Variants in SERGEF observed in about 807,000 individuals in gnomAD.
The protein encoded by SERGEF is secretion-regulating guanine nucleotide exchange factor.
Under a neutral mutation model 50.0 loss-of-function variants are expected in SERGEF, and 51 were observed. The observed-to-expected ratio is 1.02, with a 90% CI of 0.81 to 1.29. The LOEUF is 1.29. Among genes scored for constraint, SERGEF ranks in the 50% most tolerant of loss-of-function variants. The pLI is 0.00. For synonymous variants in SERGEF, 205 were observed against 212.4 expected (o/e 0.97, Z 0.30); for missense variants, 521 against 557.0 (o/e 0.94, Z 0.65).
intron 10 of SERGEF, among the ~76,000 whole-genome samples, chr11:17,868,796 C>G (rs1362209609): frequency 2.0e-5 from 3 of 152,104 alleles, no homozygotes; most frequent in African/African-American, 4.8e-5. Flanking sequence ...TGGTGGCAGG[C>G]AAAGAGAGAG....
intron 5 of SERGEF, 84 bp downstream of exon 5, chr11:18,000,413 C>G: frequency 1.1e-6 from 1 of 900,452 alleles, no homozygotes; most frequent in Non-Finnish European, 1.7e-6. Context: ...CGAGCCACTG[C>G]ACTCCAGCCT....
At chr11:17,995,973 T>C in intron 5 of SERGEF, 64 bp from the exon 6 acceptor site, 1 of 1,096,762 alleles carries the variant, frequency 9.1e-7, no homozygotes, top group East Asian at 2.5e-5. Context: ...AGATTGCTCT[T>C]TGAACCTCAC....
rs1851394311 is a variant in SERGEF at position 17,884,502 on chromosome 11, T to G, written c.1012-6258A>C. On this transcript the variant is annotated intron_variant, in intron 9 of 10. Coordinates refer to ENST00000265965, the MANE Select transcript of SERGEF (RefSeq NM_012139.4). The surrounding 1 kb of genome is among the most constrained non-coding windows in gnomAD (Gnocchi z 4.6). ...GTGACAACCAGAATTTCCAAACTAT[T>G]AGAAACGCAGTGCTTGGAAGCTGGG... Among the ~76,000 whole-genome samples, 1 of 151,858 alleles carries G rather than the reference T, an allele frequency of 6.6e-6. No individual in the cohort carries two copies. The highest frequency in any genetic ancestry group is 2.4e-5 in the African/African-American group (1 of 41,336).
At chr11:17,850,168 A>AT (rs1449759699) in intron 10 of SERGEF, among the ~76,000 whole-genome samples, 1 of 152,180 alleles carries the variant, frequency 6.6e-6, no homozygotes, top group Non-Finnish European at 1.5e-5. Flanking sequence ...TCCCACAATA[A>AT]TGACATAAAT....
intron 9 of SERGEF, among the ~76,000 whole-genome samples, chr11:17,958,251 A>C (rs1020505056): frequency 6.6e-6 from 1 of 152,184 alleles, no homozygotes; most frequent in African/African-American, 2.4e-5. Flanking sequence ...AGGTATGAAG[A>C]GGGTTGTCAT....
In SERGEF at chr11:17,788,117, G is replaced by A; in HGVS notation, c.1345C>T (p.Gln449Ter). The change falls in exon 11 of 11, where the codon CAA becomes TAA. Residue 449 changes from glutamine to a stop codon, truncating the protein, a stop_gained. Coordinates refer to ENST00000265965, the MANE Select transcript of SERGEF (RefSeq NM_012139.4). LOFTEE classifies it high-confidence loss of function. ...ERQSETSTQS[Q>*]SDWSRNGGL ...CCCCCATTTCTGGACCAGTCAGATT[G>A]GCTTTGGGTTGAAGTTTCTGATTGT... The A allele has an allele frequency of 6.4e-7, 1 of 1,555,716 alleles. No individual in the cohort carries two copies.
At chr11:17,893,183 T>C (rs1033307713) in intron 9 of SERGEF, among the ~76,000 whole-genome samples, 1 of 152,126 alleles carries the variant, frequency 6.6e-6, no homozygotes, top group African/African-American at 2.4e-5. Context: ...CCTTATTTGA[T>C]CCACAAAATA....
chr11:17,862,273 T>C (rs1203781939), intron 10 of SERGEF, among the ~76,000 whole-genome samples: 4 of 152,188 alleles, frequency 2.6e-5, no homozygotes, highest in Non-Finnish European at 5.9e-5. Flanking sequence ...CATGTTAGGA[T>C]GAAGGTGTGA....
intron 8 of SERGEF, among the ~76,000 whole-genome samples, chr11:17,981,724 T>C (rs1853498712): frequency 6.6e-6 from 1 of 152,202 alleles, no homozygotes; most frequent in Non-Finnish European, 1.5e-5. Flanking sequence ...TCCCAGTTTC[T>C]ACTCCACACA....
intron 10 of SERGEF, among the ~76,000 whole-genome samples, chr11:17,849,909 T>C (rs2283247): frequency 0.2 from 29,873 of 152,158 alleles, 3,253 homozygotes; most frequent in East Asian, 0.39. Context: ...TTCAGTTCTA[T>C]CTCTGTTACT....
intron 9 of SERGEF, among the ~76,000 whole-genome samples, chr11:17,940,490 A>G (rs1264266338): frequency 6.6e-6 from 1 of 152,200 alleles, no homozygotes; most frequent in African/African-American, 2.4e-5. Context: ...AAGACAGTGT[A>G]CATGTAGAAT....
At chr11:17,986,595 A>C (rs537972766) in intron 8 of SERGEF, among the ~76,000 whole-genome samples, 1 of 152,338 alleles carries the variant, frequency 6.6e-6, no homozygotes, top group South Asian at 2.1e-4. Context: ...TGGGAATCGC[A>C]TCAGCTAGAA....
At chr11:18,000,113 TC>T (rs1853928845) in intron 5 of SERGEF, among the ~76,000 whole-genome samples, 1 of 152,208 alleles carries the variant, frequency 6.6e-6, no homozygotes, top group Non-Finnish European at 1.5e-5. Context: ...ATGGTTTTTC[TC>T]CTAAAGTTAA....
chr11:17,942,880 T>G (rs1852586545), intron 9 of SERGEF, among the ~76,000 whole-genome samples: 2 of 152,170 alleles, frequency 1.3e-5, no homozygotes, highest in South Asian at 4.1e-4. Context: ...TCCTTTATTT[T>G]GTTAATACAT....
intron 10 of SERGEF, among the ~76,000 whole-genome samples, chr11:17,831,254 T>G (rs1850303724): frequency 6.6e-6 from 1 of 152,228 alleles, no homozygotes; most frequent in Non-Finnish European, 1.5e-5. Flanking sequence ...GTGATTCTGA[T>G]GCAAGTGGTC....
At chr11:17,837,873 G>A (rs993665876) in intron 10 of SERGEF, among the ~76,000 whole-genome samples, 2 of 151,902 alleles carry the variant, frequency 1.3e-5, no homozygotes, top group Non-Finnish European at 2.9e-5. Context: ...CACTATGTTG[G>A]TCAGGCTGGT....
At chr11:18,001,437 G>A (rs1012006553) in intron 4 of SERGEF, among the ~76,000 whole-genome samples, 8 of 152,146 alleles carry the variant, frequency 5.3e-5, no homozygotes, top group African/African-American at 1.9e-4. Context: ...TCACTCCTGG[G>A]GGAAACCAGA....
chr11:17,878,688 T>C lies in SERGEF; in HGVS notation c.1012-444A>G, dbSNP rs555136951. Among the ~76,000 whole-genome samples the C allele has an allele frequency of 3.3e-5, 5 of 152,330 alleles. No individual in the cohort carries two copies. In the East Asian group the frequency reaches 7.7e-4, roughly 23 times the overall value. ...AATTCAGTGGAAACAGACTGGTCTGTGGAGAAATGTTTGACTTTTTCTCAT... is the reference window on the plus strand; with the variant it reads ...AATTCAGTGGAAACAGACTGGTCTGCGGAGAAATGTTTGACTTTTTCTCAT... On this transcript the variant is annotated intron_variant, in intron 9 of 10. Transcript: ENST00000265965.
At chr11:17,823,169 G>A (rs969938293) in intron 10 of SERGEF, among the ~76,000 whole-genome samples, 1 of 152,178 alleles carries the variant, frequency 6.6e-6, no homozygotes, top group East Asian at 1.9e-4. Flanking sequence ...CAGGTATTTT[G>A]TAGGATGTCC....
Sources: allele counts gnomAD v4.1 joint callset (sites outside exome capture counted in the v4.1 genomes callset), GRCh38; gene constraint gnomAD v4.1.1; non-coding constraint Gnocchi (gnomAD v3.1); transcripts MANE v1.5; gene names NCBI Gene and HGNC (gene_info 2026-07-23, HGNC 2026-07-21).